Variants in OR51C1 observed in about 807,000 individuals in gnomAD.
OR51C1 encodes the protein olfactory receptor family 51 subfamily C member 1.
the OR51C1 span, chr11:4,691,287 G>A: frequency 2.2e-6 from 1 of 457,228 alleles, no homozygotes; most frequent in Admixed American, 2.3e-5. Context: ...TCTGGAGTCA[G>A]TTAAAATCAT....
chr11:4,696,353 C>CCA, the OR51C1 span, among the ~76,000 whole-genome samples: 4 of 151,404 alleles, frequency 2.6e-5, no homozygotes, highest in South Asian at 4.2e-4. Context: ...TTACTACCCA[C>CCA]CACACACACA....
the OR51C1 span, among the ~76,000 whole-genome samples, chr11:4,693,977 G>C: frequency 6.6e-6 from 1 of 152,156 alleles, no homozygotes; most frequent in Non-Finnish European, 1.5e-5. Context: ...GGTTATGAAA[G>C]TACAGAGGGG....
the OR51C1 span, among the ~76,000 whole-genome samples, chr11:4,694,828 T>C: frequency 6.6e-6 from 1 of 152,052 alleles, no homozygotes. Context: ...TGTGCATACA[T>C]GAATGTGTCT....
the OR51C1 span, among the ~76,000 whole-genome samples, chr11:4,696,226 T>C: frequency 6.6e-6 from 1 of 152,158 alleles, no homozygotes; most frequent in Non-Finnish European, 1.5e-5. Flanking sequence ...CTCAGTTACT[T>C]CAACTTCTAT....
At chr11:4,693,539 G>T in the OR51C1 span, among the ~76,000 whole-genome samples, 10 of 152,150 alleles carry the variant, frequency 6.6e-5, no homozygotes, top group Admixed American at 2.6e-4. Flanking sequence ...GGCTAACATG[G>T]TGAAACCTCG....
the OR51C1 span, among the ~76,000 whole-genome samples, chr11:4,694,531 C>CACACACACAT: frequency 2.7e-5 from 4 of 147,160 alleles, no homozygotes; most frequent in African/African-American, 5.1e-5. Flanking sequence ...TACACACACA[C>CACACACACAT]ATATATACGT....
the OR51C1 span, among the ~76,000 whole-genome samples, chr11:4,696,058 T>C: frequency 1.3e-5 from 2 of 152,142 alleles, no homozygotes; most frequent in Non-Finnish European, 2.9e-5. Context: ...AGCGTAAAGG[T>C]AGTAATGAGA....
At chr11:4,690,530 T>G in the OR51C1 span, 1 of 206,972 alleles carries the variant, frequency 4.8e-6, no homozygotes, top group Non-Finnish European at 9.9e-6. Flanking sequence ...TATATAAGGC[T>G]AATTTTAGGC....
At chr11:4,697,313 T>A in the OR51C1 span, among the ~76,000 whole-genome samples, 231 of 152,322 alleles carry the variant, frequency 1.5e-3, 1 homozygote, top group Admixed American at 0.012. Flanking sequence ...CTAATACCAG[T>A]AGCTGGCAGG....
the OR51C1 span, among the ~76,000 whole-genome samples, chr11:4,694,540 GTA>G: frequency 5.0e-3 from 630 of 125,524 alleles, 17 homozygotes; most frequent in East Asian, 0.012. Context: ...ACATATATAC[GTA>G]TATATATATA....
chr11:4,690,722 C>T, the OR51C1 span: 2 of 368,706 alleles, frequency 5.4e-6, no homozygotes, highest in Non-Finnish European at 1.1e-5. Context: ...AGTATACCAT[C>T]TTGAGGGGTC....
the OR51C1 span, chr11:4,691,333 G>A: frequency 8.7e-6 from 4 of 457,636 alleles, no homozygotes; most frequent in East Asian, 2.1e-4. Context: ...GCCACAAAAC[G>A]ATCAAAAGCC....
chr11:4,693,225 A>C, the OR51C1 span, among the ~76,000 whole-genome samples: 1 of 152,220 alleles, frequency 6.6e-6, no homozygotes, highest in African/African-American at 2.4e-5. Flanking sequence ...ACAAATATAT[A>C]CCATATTATT....
chr11:4,693,443 T>C, the OR51C1 span, among the ~76,000 whole-genome samples: 53 of 152,314 alleles, frequency 3.5e-4, no homozygotes, highest in South Asian at 1.2e-3. Flanking sequence ...TTGAGCAGGC[T>C]GGGCGCGGTG....
At chr11:4,694,697 G>A in the OR51C1 span, among the ~76,000 whole-genome samples, 14 of 152,018 alleles carry the variant, frequency 9.2e-5, no homozygotes, top group Admixed American at 2.0e-4. Flanking sequence ...GCCAGACAGC[G>A]TCTATCAGCA....
the OR51C1 span, chr11:4,690,932 C>A: frequency 1.3e-5 from 6 of 455,088 alleles, no homozygotes; most frequent in Non-Finnish European, 2.2e-5. Context: ...ACAGACTGAT[C>A]AATGGAATGT....
chr11:4,697,112 T>C, the OR51C1 span, among the ~76,000 whole-genome samples: 1 of 152,244 alleles, frequency 6.6e-6, no homozygotes, highest in Non-Finnish European at 1.5e-5. Context: ...GTAAAGACAC[T>C]GAGTATCAGA....
At chr11:4,696,732 TC>T in the OR51C1 span, among the ~76,000 whole-genome samples, 1 of 152,162 alleles carries the variant, frequency 6.6e-6, no homozygotes, top group Non-Finnish European at 1.5e-5. Flanking sequence ...CTATATTCTC[TC>T]AACTAATTTT....
At chr11:4,692,467 C>G in the OR51C1 span, among the ~76,000 whole-genome samples, 1 of 152,218 alleles carries the variant, frequency 6.6e-6, no homozygotes, top group Admixed American at 6.5e-5. Flanking sequence ...AACAGAATCT[C>G]TCTATTTTGT....
Sources: allele counts gnomAD v4.1 joint callset (sites outside exome capture counted in the v4.1 genomes callset), GRCh38; gene constraint gnomAD v4.1.1; transcripts MANE v1.5; gene names NCBI Gene and HGNC (gene_info 2026-07-23, HGNC 2026-07-21).